The following AGO3 variants were observed in gnomAD, a reference collection of about 807,000 sequenced individuals.
AGO3 encodes the protein argonaute RISC catalytic component 3.
A neutral mutation model predicts 105.5 loss-of-function variants in AGO3; 16 were observed. That is an observed-to-expected ratio of 0.15 (90% confidence interval 0.10 to 0.23). The LOEUF is 0.23. Among genes scored for constraint, AGO3 ranks in the 10% least tolerant of loss-of-function variants. The pLI is 1.00. For synonymous variants in AGO3, 340 were observed against 367.3 expected (o/e 0.93, Z 0.85); for missense variants, 534 against 1,088.0 (o/e 0.49, Z 7.16).
intron 1 of AGO3, among the ~76,000 whole-genome samples, chr1:35,940,799 C>G (rs1161388155): frequency 6.6e-6 from 1 of 152,158 alleles, no homozygotes; most frequent in African/African-American, 2.4e-5. Flanking sequence ...TTTCAGGGTA[C>G]CACTCTCTCC....
At chr1:35,989,336 A>G (rs1050587063) in intron 5 of AGO3, among the ~76,000 whole-genome samples, 2 of 152,222 alleles carry the variant, frequency 1.3e-5, no homozygotes, top group Non-Finnish European at 2.9e-5. Context: ...GCTGTATTTT[A>G]CCAATCTAAG....
At position 36,010,854 on chromosome 1, in the gene AGO3, C is replaced by T. The variant is rs538422808; in HGVS notation, c.1149+1260C>T. 1.3e-4 allele frequency among the ~76,000 whole-genome samples: 17 copies of T among 126,174 alleles called. No individual in the cohort carries two copies. In the East Asian group the frequency reaches 1.6e-3, roughly 12 times the overall value. The allele number at this position is 126,174 out of a possible 152,430, so 82.8% of individuals were successfully genotyped here. On this transcript the variant is annotated intron_variant, in intron 9 of 18. Transcript: ENST00000373191. ...CCGGGAGGCGCAGGTTGCGGTGAGT[C>T]GGGATTGTGCCATTGCACTCCAGCC...
chr1:36,029,837 C>T (rs149932522), intron 12 of AGO3, among the ~76,000 whole-genome samples: 1 of 151,734 alleles, frequency 6.6e-6, no homozygotes, highest in Non-Finnish European at 1.5e-5. Context: ...GGTCTATAGG[C>T]GCGTGCCACC....
intron 14 of AGO3, among the ~76,000 whole-genome samples, chr1:36,036,947 C>T (rs1642037883): frequency 6.6e-6 from 1 of 152,194 alleles, no homozygotes; most frequent in East Asian, 1.9e-4. Flanking sequence ...CCACCTGCTT[C>T]GGCCTCCCAG....
At chr1:36,039,270 C>T (rs999953905) in intron 14 of AGO3, among the ~76,000 whole-genome samples, 15 of 151,926 alleles carry the variant, frequency 9.9e-5, no homozygotes, top group East Asian at 7.7e-4. Flanking sequence ...CCAACGCAGA[C>T]GGATCACGAG....
chr1:35,934,077 C>T (rs1646104900), intron 1 of AGO3, among the ~76,000 whole-genome samples: 1 of 152,150 alleles, frequency 6.6e-6, no homozygotes, highest in African/African-American at 2.4e-5. Context: ...AGTTGGGGAA[C>T]ATCTGATGAA....
At chr1:35,993,837 T>A (rs982957143) in intron 5 of AGO3, among the ~76,000 whole-genome samples, 17 of 129,446 alleles carry the variant, frequency 1.3e-4, no homozygotes, top group Non-Finnish European at 2.0e-4. Flanking sequence ...AACCTCCACC[T>A]CTCAGGTTCA....
intron 2 of AGO3, among the ~76,000 whole-genome samples, chr1:35,952,295 A>C (rs1646489167): frequency 6.6e-6 from 1 of 151,524 alleles, no homozygotes; most frequent in Non-Finnish European, 1.5e-5. Flanking sequence ...GGCGCCTGCC[A>C]CCATGCCTGG....
intron 2 of AGO3, among the ~76,000 whole-genome samples, chr1:35,953,916 TTC>T (rs1646518774): frequency 6.6e-6 from 1 of 152,218 alleles, no homozygotes; most frequent in African/African-American, 2.4e-5. Flanking sequence ...TGCAAAATTT[TTC>T]TCTGTTTATA....
chr1:35,990,799 G>A (rs1210382149), intron 5 of AGO3, among the ~76,000 whole-genome samples: 1 of 152,138 alleles, frequency 6.6e-6, no homozygotes, highest in Admixed American at 6.5e-5. Flanking sequence ...TCAGGTATAA[G>A]ATTGCTAAGA....
intron 1 of AGO3, among the ~76,000 whole-genome samples, chr1:35,933,633 C>A (rs1470315787): frequency 3.4e-5 from 4 of 116,622 alleles, no homozygotes; most frequent in Non-Finnish European, 6.6e-5. Flanking sequence ...GGAGCAAGAC[C>A]CTGTCTCAAA....
chr1:35,966,960 T>C lies in AGO3; in HGVS notation c.197T>C (p.Val66Ala), dbSNP rs1274037133. 1.2e-6 allele frequency: 2 copies of C among 1,608,522 alleles called. No homozygotes were observed. Among genetic ancestry groups the C allele is most frequent in the Non-Finnish European group, 1.7e-6 (2 of 1,178,308 alleles). Residue 66 changes from valine (V) to alanine (A), a missense_variant, in exon 3 of 19, where the codon GTG (valine) becomes GCG (alanine). Around this residue, in one of 2 missense-constraint regions of AGO3, gnomAD observed 161 missense variants for 234.0 expected, o/e 0.69. Coordinates refer to ENST00000373191, the MANE Select transcript of AGO3 (RefSeq NM_024852.4). ...ATATTGTTTCCCTTCTTTAGGGAGG[T>C]GGTTGACTCAATGGTTCAGCATTTT... ...DKCPRRVNRE[V>A]VDSMVQHFKV...
intron 3 of AGO3, 33 bp from the exon 4 acceptor site, chr1:35,971,991 A>G (rs368711671): frequency 8.2e-6 from 13 of 1,576,762 alleles, no homozygotes; most frequent in South Asian, 1.1e-5. Flanking sequence ...ATCTTTTTCA[A>G]CATTTACCAG....
At chr1:35,935,937 T>G (rs1646138999) in intron 1 of AGO3, among the ~76,000 whole-genome samples, 1 of 152,242 alleles carries the variant, frequency 6.6e-6, no homozygotes, top group Non-Finnish European at 1.5e-5. Flanking sequence ...GTGATAATTC[T>G]GTTTTCAGGA....
intron 1 of AGO3, among the ~76,000 whole-genome samples, chr1:35,941,014 T>C (rs1252821250): frequency 6.6e-6 from 1 of 152,310 alleles, no homozygotes; most frequent in East Asian, 1.9e-4. Flanking sequence ...ACCTCTCCTC[T>C]GAACTCCACA....
chr1:35,958,652 CAAAAAA>C (rs11448667), intron 2 of AGO3, among the ~76,000 whole-genome samples: 1 of 133,036 alleles, frequency 7.5e-6, no homozygotes, highest in Non-Finnish European at 1.7e-5. Context: ...GACCTTGTCT[CAAAAAA>C]AAAAAAAGAA....
intron 5 of AGO3, chr1:35,992,144 G>A (rs1041011610): frequency 6.6e-6 from 1 of 152,204 alleles, no homozygotes; most frequent in African/African-American, 2.4e-5. Flanking sequence ...CATTCTGGAA[G>A]CCTAGTTGGG....
chr1:36,035,349 T>C (rs565169350), intron 13 of AGO3, among the ~76,000 whole-genome samples: 1 of 152,258 alleles, frequency 6.6e-6, no homozygotes, highest in East Asian at 1.9e-4. Context: ...TGCAGTGAAC[T>C]GTGATTACGC....
At chr1:35,978,367 T>C (rs1355552956) in intron 5 of AGO3, among the ~76,000 whole-genome samples, 4 of 152,148 alleles carry the variant, frequency 2.6e-5, no homozygotes, top group Non-Finnish European at 5.9e-5. Flanking sequence ...TTTTTTTGTA[T>C]TTTTAGTAGA....
Sources: allele counts gnomAD v4.1 joint callset (sites outside exome capture counted in the v4.1 genomes callset), GRCh38; gene constraint gnomAD v4.1.1; regional missense constraint gnomAD v4.1.1; transcripts MANE v1.5; gene names NCBI Gene and HGNC (gene_info 2026-07-23, HGNC 2026-07-21).